The following KIF21B variants were observed in gnomAD, a reference collection of about 807,000 sequenced individuals.
KIF21B encodes kinesin family member 21B, also known as kinesin-like protein KIF21B.
Under a neutral mutation model 192.9 loss-of-function variants are expected in KIF21B, and 85 were observed. The ratio of observed to expected loss-of-function variants is 0.44; its 90% confidence interval spans 0.37 to 0.53. The LOEUF (loss-of-function observed/expected upper bound fraction) is 0.53, where lower values mean the gene tolerates loss of function less well. Ranked by LOEUF, KIF21B falls within the 20% of genes least tolerant of loss-of-function variation. The pLI, the probability that KIF21B is intolerant of heterozygous loss-of-function variation, is 0.00. For missense variants in KIF21B, 1,716 were observed against 2,194.8 expected (o/e 0.78, Z 4.36); for synonymous variants, 832 against 884.6 (o/e 0.94, Z 1.05).
intron 3 of KIF21B, among the ~76,000 whole-genome samples, chr1:201,006,706 G>A (rs1270434647): frequency 6.6e-6 from 1 of 151,964 alleles, no homozygotes; most frequent in Non-Finnish European, 1.5e-5. Context: ...ATGGCAACAG[G>A]ATAGGGAAGG....
At chr1:201,011,592 C>T (rs1275282821) in intron 1 of KIF21B, among the ~76,000 whole-genome samples, 1 of 152,236 alleles carries the variant, frequency 6.6e-6, no homozygotes, top group Non-Finnish European at 1.5e-5. Context: ...GAAGGAGGAG[C>T]GTGGCATTGC....
At chr1:201,015,402 G>C (rs919581603) in intron 1 of KIF21B, among the ~76,000 whole-genome samples, 2 of 152,350 alleles carry the variant, frequency 1.3e-5, no homozygotes, top group Middle Eastern at 6.8e-3. Flanking sequence ...CCCCAGGGGG[G>C]CTAAAAGCAT....
chr1:200,988,234 T>C (rs919497163), intron 24 of KIF21B, 62 bp downstream of exon 24: 23 of 1,460,754 alleles, frequency 1.6e-5, no homozygotes, highest in Non-Finnish European at 1.8e-5. Context: ...CAGTAAGCGG[T>C]GAACAGGCTG....
Position 200,975,316 on chromosome 1 carries a change from C to T in KIF21B, c.4614+183G>A, listed in dbSNP as rs182651002. On this transcript the variant is annotated intron_variant, in intron 33 of 34. Transcript: ENST00000461742. This position sits in a 1 kb window ranked among gnomAD's most constrained non-coding sequence, Gnocchi z 4.3. ...GGAGATGTGGCATCAGGAGAGGCCG[C>T]GGGTAGGGAAGAAGGGAGGATGGAG... Among the ~76,000 whole-genome samples the T allele has an allele frequency of 1.9e-4, 29 of 152,136 alleles. No homozygotes were observed. Among genetic ancestry groups the T allele is most frequent in the Non-Finnish European group, 2.8e-4 (19 of 67,984 alleles).
In KIF21B at chr1:201,008,858, G is replaced by A. The variant is rs773381121; in HGVS notation, c.358C>T (p.Leu120Phe). Residue 120 changes from leucine to phenylalanine, a missense_variant, in exon 3 of 35, where the codon CTC becomes TTC. This residue lies in a region of KIF21B where 1,087 missense variants were observed against 1,316.6 expected (regional missense o/e 0.83). Coordinates refer to ENST00000461742, the MANE Select transcript of KIF21B (RefSeq NM_001252102.2). ...TTGCGCTCGGCAATGCCCCCAAAGA[G>A]GTGTGCGATGGCCCTCGGGATGATG... is the stretch of plus-strand genomic sequence containing the variant. ...QGIIPRAIAH[L>F]FGGIAERKRR... 1.2e-6 allele frequency: 2 copies of A among 1,610,902 alleles called. No individual in the cohort carries two copies. Among genetic ancestry groups the A allele is most frequent in the East Asian group, 2.2e-5 (1 of 44,882 alleles).
intron 1 of KIF21B, among the ~76,000 whole-genome samples, chr1:201,012,177 C>G (rs1658270126): frequency 6.6e-6 from 1 of 152,186 alleles, no homozygotes; most frequent in African/African-American, 2.4e-5. Flanking sequence ...CAGAAAGAGA[C>G]GTCCAGCCCA....
In KIF21B at chr1:200,998,893, T is replaced by C. The variant is rs1055236419; in HGVS notation, c.1886-318A>G. ...CCAGCTTCAGTGGAGGAGGGTGAGA[T>C]GGCTGAGAGCAACTTACAGGGCTAG... On this transcript the variant is annotated intron_variant, in intron 13 of 34. Transcript: ENST00000461742. The surrounding 1 kb of genome is among the most constrained non-coding windows in gnomAD (Gnocchi z 4.3). Among the ~76,000 whole-genome samples the C allele has an allele frequency of 2.6e-5, 4 of 152,106 alleles. No homozygotes were observed. The highest frequency in any genetic ancestry group is 7.2e-5 in the African/African-American group (3 of 41,410).
rs2102389281 is a variant in KIF21B, at chr1:200,982,125, G to T, written c.3842+931C>A. On this transcript the variant is annotated intron_variant, in intron 28 of 34. Coordinates refer to ENST00000461742, the MANE Select transcript of KIF21B (RefSeq NM_001252102.2). This position sits in a 1 kb window ranked among gnomAD's most constrained non-coding sequence, Gnocchi z 4.7. ...GGATGGTGGTCGGATACGTCCAGCTGCCAGCCAGGTGCCACACATGCACAA... is the reference window on the plus strand; with the variant it reads ...GGATGGTGGTCGGATACGTCCAGCTTCCAGCCAGGTGCCACACATGCACAA... Among the ~76,000 whole-genome samples the T allele has an allele frequency of 6.6e-6, 1 of 152,210 alleles. No homozygotes were observed. Among genetic ancestry groups the T allele is most frequent in the African/African-American group, 2.4e-5 (1 of 41,528 alleles).
chr1:201,019,229 G>A (rs1457746771), intron 1 of KIF21B, among the ~76,000 whole-genome samples: 1 of 152,032 alleles, frequency 6.6e-6, no homozygotes, highest in Admixed American at 6.6e-5. Context: ...CACTGCGCCT[G>A]GCCTAGGACC....
intron 8 of KIF21B, chr1:201,002,598 CTT>C: frequency 2.0e-6 from 1 of 495,134 alleles, no homozygotes; most frequent in Non-Finnish European, 3.6e-6. Context: ...CTCTCACAAT[CTT>C]ACTTGACCTA....
At chr1:201,022,328 C>T (rs925519543) in intron 1 of KIF21B, among the ~76,000 whole-genome samples, 16 of 152,236 alleles carry the variant, frequency 1.1e-4, no homozygotes, top group African/African-American at 3.9e-4. Context: ...CCGCCCCCTC[C>T]ATCATACAGG....
chr1:201,016,995 G>T (rs766721752), intron 1 of KIF21B, among the ~76,000 whole-genome samples: 1 of 152,164 alleles, frequency 6.6e-6, no homozygotes, highest in Non-Finnish European at 1.5e-5. Flanking sequence ...GCCTTGGGGT[G>T]TCAGCTTGGG....
rs751256076 is a variant in KIF21B at position 200,982,148 on chromosome 1, C to A, written c.3842+908G>T. ...CTGCCAGCCAGGTGCCACACATGCA[C>A]AAATAGCTCCCCAAGCTGCTCCAGC... On this transcript the variant is annotated intron_variant, in intron 28 of 34. Coordinates refer to ENST00000461742, the MANE Select transcript of KIF21B (RefSeq NM_001252102.2). The surrounding 1 kb of genome is among the most constrained non-coding windows in gnomAD (Gnocchi z 4.7). Among the ~76,000 whole-genome samples the A allele has an allele frequency of 1.3e-5, 2 of 152,152 alleles. No homozygotes were observed. The highest frequency in any genetic ancestry group is 2.9e-5 in the Non-Finnish European group (2 of 68,020).
intron 9 of KIF21B, 69 bp downstream of exon 9, chr1:201,002,092 G>T (rs1017341410): frequency 8.8e-6 from 12 of 1,356,078 alleles, no homozygotes; most frequent in Non-Finnish European, 1.3e-5. Context: ...TGATACTCTG[G>T]GGTGGATGTC....
intron 6 of KIF21B, 97 bp from the exon 7 acceptor site, chr1:201,004,552 GC>G (rs1292890599): frequency 8.5e-6 from 10 of 1,171,830 alleles, no homozygotes; most frequent in Non-Finnish European, 1.2e-5. Context: ...TGCCTCTTTG[GC>G]CCCAGCAGCC....
intron 31 of KIF21B, 118 bp downstream of exon 31, chr1:200,977,094 G>T: frequency 8.2e-7 from 1 of 1,214,952 alleles, no homozygotes; most frequent in Non-Finnish European, 1.2e-6. Context: ...AGCAGCATGG[G>T]GGGAATAAAG....
At chr1:201,001,109 G>GAAA (rs57228721) in intron 9 of KIF21B, among the ~76,000 whole-genome samples, 13 of 117,042 alleles carry the variant, frequency 1.1e-4, no homozygotes, top group African/African-American at 3.3e-4. Context: ...CTCCGTCTCA[G>GAAA]AAAAAAAAAA....
chr1:200,982,915 G>A lies in KIF21B; in HGVS notation c.3842+141C>T, dbSNP rs1277536838. On this transcript the variant is annotated intron_variant, in intron 28 of 34. Transcript: ENST00000461742. The surrounding 1 kb of genome is among the most constrained non-coding windows in gnomAD (Gnocchi z 4.7). ...ATGGGGGCAGGAACAGGTCTGGAGA[G>A]GGGGGCAGCAGGAAGGGGAGTGGAG... is the stretch of plus-strand genomic sequence containing the variant. The A allele has an allele frequency of 7.9e-6, 6 of 754,988 alleles. No homozygotes were observed. In the East Asian group the frequency reaches 1.3e-4, roughly 17 times the overall value. The allele number at this position is 754,988 out of a possible 1,614,324, so 46.8% of individuals were successfully genotyped here.
chr1:201,009,880 A>AT (rs1318958700), intron 1 of KIF21B, among the ~76,000 whole-genome samples: 4 of 152,210 alleles, frequency 2.6e-5, no homozygotes, highest in African/African-American at 7.2e-5. Context: ...TGATGGCGCC[A>AT]TGTCCAGGTC....
Sources: allele counts gnomAD v4.1 joint callset (sites outside exome capture counted in the v4.1 genomes callset), GRCh38; gene constraint gnomAD v4.1.1; regional missense constraint gnomAD v4.1.1; non-coding constraint Gnocchi (gnomAD v3.1); transcripts MANE v1.5; gene names NCBI Gene and HGNC (gene_info 2026-07-23, HGNC 2026-07-21).